ARHGAP18: variants seen among roughly 807,000 people sequenced by gnomAD.
ARHGAP18 encodes rho GTPase-activating protein 18.
A neutral mutation model predicts 86.2 loss-of-function variants in ARHGAP18; 67 were observed. That is an observed-to-expected ratio of 0.78 (90% CI 0.64 to 0.95). ARHGAP18 has a LOEUF of 0.95. Ranked by LOEUF, ARHGAP18 falls within the 40% of genes least tolerant of loss-of-function variation. ARHGAP18 has a pLI of 0.00. For synonymous variants in ARHGAP18, 283 were observed against 280.4 expected (o/e 1.01, Z -0.09); for missense variants, 691 against 780.4 (o/e 0.89, Z 1.37).
chr6:129,679,392 G>A (rs1193473236), intron 1 of ARHGAP18, among the ~76,000 whole-genome samples: 4 of 152,128 alleles, frequency 2.6e-5, no homozygotes, highest in East Asian at 1.9e-4. Context: ...AAACATAGCC[G>A]GAAAAGCAGA....
chr6:129,706,520 T>G (rs1774804655), intron 1 of ARHGAP18, among the ~76,000 whole-genome samples: 1 of 152,150 alleles, frequency 6.6e-6, no homozygotes, highest in Admixed American at 6.5e-5. Flanking sequence ...TGGAGAAAAT[T>G]TAGCTAACAA....
intron 1 of ARHGAP18, among the ~76,000 whole-genome samples, chr6:129,684,097 G>A (rs1209744557): frequency 1.3e-5 from 2 of 152,234 alleles, no homozygotes; most frequent in Admixed American, 1.3e-4. Context: ...TCCTTGAGCA[G>A]GCCTGGGGAG....
At chr6:129,634,543 T>C (rs1773292560) in intron 3 of ARHGAP18, among the ~76,000 whole-genome samples, 1 of 152,172 alleles carries the variant, frequency 6.6e-6, no homozygotes, top group African/African-American at 2.4e-5. Context: ...AATACTATGC[T>C]AAGTGAAAGG....
intron 1 of ARHGAP18, among the ~76,000 whole-genome samples, chr6:129,705,098 C>A (rs908554735): frequency 2.6e-5 from 4 of 152,192 alleles, no homozygotes; most frequent in Admixed American, 2.6e-4. Flanking sequence ...CCCCTCCAGG[C>A]TACCCTCCCT....
At chr6:129,648,406 C>T (rs1773628240) in intron 1 of ARHGAP18, among the ~76,000 whole-genome samples, 1 of 151,808 alleles carries the variant, frequency 6.6e-6, no homozygotes. Context: ...TCAGGCAATC[C>T]TCCTGTCTTA....
chr6:129,634,696 G>T (rs988767331), intron 3 of ARHGAP18, among the ~76,000 whole-genome samples: 5 of 152,004 alleles, frequency 3.3e-5, no homozygotes, highest in African/African-American at 1.2e-4. Context: ...ATGGATACAG[G>T]CTTTCTTTTG....
chr6:129,595,453 C>G (rs556433023), intron 12 of ARHGAP18, among the ~76,000 whole-genome samples: 6 of 152,176 alleles, frequency 3.9e-5, no homozygotes, highest in Admixed American at 2.0e-4. Context: ...TGCTATTACT[C>G]TCTTTGGAGG....
chr6:129,631,184 T>G (rs1428031176), intron 4 of ARHGAP18, among the ~76,000 whole-genome samples: 1 of 152,170 alleles, frequency 6.6e-6, no homozygotes, highest in Admixed American at 6.5e-5. Flanking sequence ...TTAGCCATTT[T>G]CTTAAATTAG....
chr6:129,601,789 G>C (rs1016035380), intron 10 of ARHGAP18, among the ~76,000 whole-genome samples: 1 of 151,746 alleles, frequency 6.6e-6, no homozygotes, highest in Non-Finnish European at 1.5e-5. Flanking sequence ...ACCATGCCTG[G>C]CTAATTTTTT....
rs184453286 is a variant in ARHGAP18 at position 129,591,268 on chromosome 6, T to C, written c.1714-7156A>G. On this transcript the variant is annotated intron_variant, in intron 12 of 14. Transcript: ENST00000368149. ...TAATAATAACTGAATCTGTACACAG[T>C]ATGATCTTTATAACCCTTCTCTTTC... Among the ~76,000 whole-genome samples, 558 of 152,330 alleles carry C rather than the reference T, an allele frequency of 3.7e-3. 2 individuals are homozygous for C. The highest frequency in any genetic ancestry group is 0.01 in the Middle Eastern group (3 of 294).
At chr6:129,611,403 G>C in intron 8 of ARHGAP18, 130 bp downstream of exon 8, 2 of 717,888 alleles carry the variant, frequency 2.8e-6, no homozygotes, top group East Asian at 5.8e-5. Flanking sequence ...AATGGTAAAA[G>C]GTTTTATTGT....
intron 1 of ARHGAP18, among the ~76,000 whole-genome samples, chr6:129,688,041 T>C (rs1276536946): frequency 6.6e-6 from 1 of 151,882 alleles, no homozygotes; most frequent in East Asian, 1.9e-4. Flanking sequence ...TTCTGAAGAG[T>C]GGGCAGTTCA....
intron 1 of ARHGAP18, among the ~76,000 whole-genome samples, chr6:129,674,429 C>T (rs1584106574): frequency 6.6e-6 from 1 of 152,184 alleles, no homozygotes; most frequent in East Asian, 1.9e-4. Context: ...TTCTGTGACA[C>T]GACTGATTAA....
intron 10 of ARHGAP18, among the ~76,000 whole-genome samples, chr6:129,603,390 C>T (rs1788789254): frequency 6.6e-6 from 1 of 151,938 alleles, no homozygotes; most frequent in Non-Finnish European, 1.5e-5. Context: ...CTGTGTGTAT[C>T]TATCACATTT....
At chr6:129,615,685 A>G (rs1217778108) in intron 7 of ARHGAP18, among the ~76,000 whole-genome samples, 2 of 152,178 alleles carry the variant, frequency 1.3e-5, no homozygotes, top group Non-Finnish European at 2.9e-5. Context: ...CAGAGGTTGG[A>G]CGGAAATTTT....
chr6:129,636,782 CAGG>C (rs1773340774), intron 3 of ARHGAP18, among the ~76,000 whole-genome samples: 2 of 152,174 alleles, frequency 1.3e-5, no homozygotes, highest in South Asian at 2.1e-4. Flanking sequence ...GAGGCTGAGG[CAGG>C]AGAATTGCTT....
At chr6:129,629,321 A>G in intron 5 of ARHGAP18, 32 bp downstream of exon 5, 1 of 1,592,504 alleles carries the variant, frequency 6.3e-7, no homozygotes, top group Non-Finnish European at 8.6e-7. Context: ...ATATGTACAT[A>G]TATGTATATT....
At chr6:129,659,562 G>T (rs1466828227) in intron 1 of ARHGAP18, among the ~76,000 whole-genome samples, 1 of 152,058 alleles carries the variant, frequency 6.6e-6, no homozygotes, top group South Asian at 2.1e-4. Context: ...CCACCTCCTG[G>T]GTTCAAGTGA....
chr6:129,647,890 T>C (rs959585055), intron 1 of ARHGAP18, among the ~76,000 whole-genome samples: 8 of 152,202 alleles, frequency 5.3e-5, no homozygotes, highest in Non-Finnish European at 1.0e-4. Context: ...AAAGGGGTGA[T>C]AGAATCGAGA....
Sources: gnomAD v4.1 joint callset for allele counts (sites outside exome capture counted in the v4.1 genomes callset) on GRCh38, gnomAD v4.1.1 for gene constraint, MANE v1.5 for transcripts, NCBI Gene and HGNC (gene_info 2026-07-23, HGNC 2026-07-21) for gene names.